Variants in SLC4A5 observed in about 807,000 individuals in gnomAD.
SLC4A5 encodes solute carrier family 4 member 5.
Under a neutral mutation model 120.4 loss-of-function variants are expected in SLC4A5, and 96 were observed. That is an observed-to-expected ratio of 0.80 (90% CI 0.68 to 0.94). The LOEUF is 0.94. Among genes scored for constraint, SLC4A5 ranks in the 40% least tolerant of loss-of-function variants. SLC4A5 has a pLI of 0.00. For missense variants in SLC4A5, 1,259 were observed against 1,459.5 expected, an observed-to-expected ratio of 0.86 and a Z score of 2.24; for synonymous variants, 550 against 571.1, an observed-to-expected ratio of 0.96 and a Z score of 0.53.
At chr2:74,261,833 C>T (rs1454016730) in intron 11 of SLC4A5, among the ~76,000 whole-genome samples, 1 of 152,134 alleles carries the variant, frequency 6.6e-6, no homozygotes, top group Non-Finnish European at 1.5e-5. Flanking sequence ...GGGTTAATGT[C>T]AGTTTGATGA....
Position 74,253,132 on chromosome 2 carries a change from G to T in SLC4A5, c.1114-4C>A. The T allele has an allele frequency of 6.2e-7, 1 of 1,614,052 alleles. No individual in the cohort carries two copies. The highest frequency in any genetic ancestry group is 8.5e-7 in the Non-Finnish European group (1 of 1,179,998). The stretch of plus-strand genomic sequence containing the variant: ...TGTAGGCCACGTCACTGAAGAGCTG[G>T]CGAGGAGAGAGGAGGGAGAAAAGAA... On this transcript the variant is annotated splice_region_variant and splice_polypyrimidine_tract_variant and intron_variant, in intron 14 of 30. Transcript: ENST00000394019.
chr2:74,269,381 TG>T (rs1671404103), intron 8 of SLC4A5, among the ~76,000 whole-genome samples: 1 of 144,838 alleles, frequency 6.9e-6, no homozygotes, highest in African/African-American at 2.8e-5. Flanking sequence ...GTTTGTTTTT[TG>T]TTTGTTTGTT....
chr2:74,270,276 C>T (rs1441974339), intron 8 of SLC4A5, among the ~76,000 whole-genome samples: 2 of 152,230 alleles, frequency 1.3e-5, no homozygotes, highest in African/African-American at 4.8e-5. Context: ...ATTTAGCTCA[C>T]TTTCACCTTG....
intron 5 of SLC4A5, among the ~76,000 whole-genome samples, chr2:74,321,066 T>C (rs1673085393): frequency 6.6e-6 from 1 of 152,228 alleles, no homozygotes; most frequent in Admixed American, 6.5e-5. Context: ...TGTCCATTTT[T>C]AGTGATCAGG....
chr2:74,305,260 A>C (rs2104261373), intron 6 of SLC4A5, among the ~76,000 whole-genome samples: 1 of 152,352 alleles, frequency 6.6e-6, no homozygotes, highest in South Asian at 2.1e-4. Context: ...TAATGGGCAA[A>C]GCACACAGAG....
intron 17 of SLC4A5, 46 bp from the exon 18 acceptor site, chr2:74,248,532 G>T: frequency 6.2e-7 from 1 of 1,608,408 alleles, no homozygotes; most frequent in African/African-American, 1.3e-5. Flanking sequence ...AGGAGAAGCG[G>T]TCTCTCCACA....
chr2:74,271,088 G>C (rs1671461733), intron 8 of SLC4A5, among the ~76,000 whole-genome samples: 1 of 152,130 alleles, frequency 6.6e-6, no homozygotes, highest in Non-Finnish European at 1.5e-5. Flanking sequence ...GATCCTCATT[G>C]AGCAGGTCTG....
chr2:74,222,979 A>C, intron 28 of SLC4A5, 27 bp from the exon 29 acceptor site: 1 of 1,484,338 alleles, frequency 6.7e-7, no homozygotes, highest in Non-Finnish European at 9.2e-7. Flanking sequence ...GGAAAAGAGG[A>C]TAAACACCAA....
intron 23 of SLC4A5, among the ~76,000 whole-genome samples, chr2:74,233,160 A>C (rs1670152032): frequency 6.6e-6 from 1 of 152,138 alleles, no homozygotes; most frequent in Non-Finnish European, 1.5e-5. Flanking sequence ...AAAGACAGAG[A>C]GCCTGTGCCC....
chr2:74,266,807 AG>A (rs956784985), intron 8 of SLC4A5, among the ~76,000 whole-genome samples: 28 of 152,336 alleles, frequency 1.8e-4, no homozygotes, highest in African/African-American at 6.7e-4. Flanking sequence ...AAAACCATAA[AG>A]GAAAAAAATG....
At chr2:74,326,945 T>C (rs181602533) in intron 5 of SLC4A5, among the ~76,000 whole-genome samples, 2 of 152,172 alleles carry the variant, frequency 1.3e-5, no homozygotes, top group Non-Finnish European at 2.9e-5. Flanking sequence ...TAAAGATGTA[T>C]GACACGTTTT....
chr2:74,338,514 A>G (rs1352255204), intron 3 of SLC4A5, among the ~76,000 whole-genome samples: 2 of 152,210 alleles, frequency 1.3e-5, no homozygotes, highest in East Asian at 1.9e-4. Flanking sequence ...CTGTATTTAT[A>G]TAACTTTAAA....
At chr2:74,256,617 G>A (rs1057142600) in intron 12 of SLC4A5, among the ~76,000 whole-genome samples, 3 of 152,150 alleles carry the variant, frequency 2.0e-5, no homozygotes, top group African/African-American at 7.2e-5. Context: ...GAGCCAGTGG[G>A]GTCTGATGTG....
intron 18 of SLC4A5, among the ~76,000 whole-genome samples, 168 bp from the exon 19 acceptor site, chr2:74,247,475 T>A (rs952768239): frequency 6.6e-6 from 1 of 152,112 alleles, no homozygotes; most frequent in Non-Finnish European, 1.5e-5. Context: ...AGTTGTCTGA[T>A]CTTTGAGATT....
intron 7 of SLC4A5, among the ~76,000 whole-genome samples, chr2:74,293,176 G>A (rs1428094116): frequency 6.6e-6 from 1 of 152,198 alleles, no homozygotes; most frequent in Non-Finnish European, 1.5e-5. Context: ...ACTGTGTGAA[G>A]TAGGTCTTGG....
At chr2:74,266,587 T>A (rs1197437453) in intron 8 of SLC4A5, among the ~76,000 whole-genome samples, 1 of 152,166 alleles carries the variant, frequency 6.6e-6, no homozygotes, top group South Asian at 2.1e-4. Context: ...AGGATTTTGA[T>A]GAAGGAGTTG....
At chr2:74,231,163 C>T (rs1456053646) in intron 25 of SLC4A5, 73 bp downstream of exon 25, 4 of 1,432,392 alleles carry the variant, frequency 2.8e-6, no homozygotes, top group East Asian at 2.4e-5. Context: ...CATGTGGGGA[C>T]CCCCTCCCTG....
intron 9 of SLC4A5, 115 bp downstream of exon 9, chr2:74,264,989 A>T: frequency 1.7e-6 from 2 of 1,198,028 alleles, no homozygotes; most frequent in Non-Finnish European, 1.2e-6. Flanking sequence ...GTCTCTGCAG[A>T]ATCAGGTGTC....
chr2:74,227,853 CCGTACAGCACCGG>C lies in SLC4A5; in HGVS notation c.2860_2872del (p.Pro954GlufsTer11). 3 of 1,610,918 alleles carry C rather than the reference CCGTACAGCACCGG, an allele frequency of 1.9e-6. No homozygotes were observed. Among genetic ancestry groups the C allele is most frequent in the Non-Finnish European group, 2.5e-6 (3 of 1,178,800 alleles). ...GGCCACGCCCATGTAGAGGAAGACTCCGTACAGCACCGGCAGGGGGATACACTAAAATGAGAGC... is the reference window on the plus strand; with the variant it reads ...GGCCACGCCCATGTAGAGGAAGACTCCAGGGGGATACACTAAAATGAGAGC... On this transcript the variant is annotated frameshift_variant, in exon 26 of 31. Coordinates refer to ENST00000394019, the Ensembl canonical transcript of SLC4A5. LOFTEE classifies it high-confidence loss of function.
Sources: allele counts gnomAD v4.1 joint callset (sites outside exome capture counted in the v4.1 genomes callset), GRCh38; gene constraint gnomAD v4.1.1; transcripts MANE v1.5; gene names NCBI Gene and HGNC (gene_info 2026-07-23, HGNC 2026-07-21).